Variants in USP20 observed in about 807,000 individuals in gnomAD.
USP20 encodes the protein ubiquitin carboxyl-terminal hydrolase 20.
USP20 carries 80 observed loss-of-function variants against 124.2 expected under a neutral mutation model. The ratio of observed to expected loss-of-function variants is 0.64; its 90% CI spans 0.54 to 0.78. The LOEUF (loss-of-function observed/expected upper bound fraction) is 0.78. USP20 is among the 30% of genes least tolerant of loss of function. The probability of loss-of-function intolerance (pLI) is 0.00; values close to 1 mark genes in which losing one functional copy is unlikely to be tolerated. For missense variants in USP20, 1,043 were observed against 1,244.4 expected, an observed-to-expected ratio of 0.84 and a Z score of 2.44; for synonymous variants, 481 against 512.3, an observed-to-expected ratio of 0.94 and a Z score of 0.83.
In USP20 at chr9:129,868,009, C is replaced by T. The variant is rs1347655687; in HGVS notation, c.695C>T (p.Thr232Ile). The part of the protein sequence containing the change: ...PMFRGYAQQD[T>I]QEFLRCLMDQ... Reference sequence around the variant, plus strand: ...TGATGCAGCCCCTGGTTCTAGGACACCCAAGAGTTCCTTCGCTGCCTGATG... The same window carrying T: ...TGATGCAGCCCCTGGTTCTAGGACATCCAAGAGTTCCTTCGCTGCCTGATG... The change falls in exon 11 of 26, where the codon ACC becomes ATC. Residue 232 changes from threonine to isoleucine, a missense_variant. Coordinates refer to ENST00000372429, the MANE Select transcript of USP20 (RefSeq NM_001110303.4). 1.9e-6 allele frequency: 3 copies of T among 1,612,448 alleles called. No individual in the cohort carries two copies. Among genetic ancestry groups the T allele is most frequent in the Non-Finnish European group, 8.5e-7 (1 of 1,179,058 alleles).
At chr9:129,840,581 A>G (rs1018338924) in intron 1 of USP20, among the ~76,000 whole-genome samples, 1 of 152,174 alleles carries the variant, frequency 6.6e-6, no homozygotes, top group Non-Finnish European at 1.5e-5. Flanking sequence ...AGATTCACGA[A>G]TTAGTAACAT....
chr9:129,871,571 T>C (rs1252126627), intron 15 of USP20, among the ~76,000 whole-genome samples: 1 of 152,316 alleles, frequency 6.6e-6, no homozygotes, highest in Non-Finnish European at 1.5e-5. Context: ...GGTTCCACAG[T>C]GGCCACCCCA....
At position 129,879,204 on chromosome 9, in the gene USP20, T is replaced by G. The variant is rs77277468; in HGVS notation, c.2513-369T>G. ...TATGACCTGAGTGGTTACTTCACCT[T>G]CCCAGGCCTCGGCTCTGTCTCTGTA... is the stretch of plus-strand genomic sequence containing the variant. On this transcript the variant is annotated intron_variant, in intron 23 of 25. Transcript: ENST00000372429. This position sits in a 1 kb window ranked among gnomAD's most constrained non-coding sequence, Gnocchi z 4.2. Among the ~76,000 whole-genome samples the G allele has an allele frequency of 0.013, 1,960 of 152,332 alleles. 20 individuals are homozygous for G. Among genetic ancestry groups the G allele is most frequent in the Middle Eastern group, 0.027 (8 of 294 alleles).
chr9:129,852,439 A>G lies in USP20; in HGVS notation c.-16-101A>G, dbSNP rs1017973694. On this transcript the variant is annotated intron_variant, in intron 2 of 25. Transcript: ENST00000372429. ...TGCGTTACCAGCTGGTTTGTGGCAG[A>G]CCAGGACTCAAGGCCAAAGTCATGT... 5.3e-6 allele frequency: 5 copies of G among 946,896 alleles called. No homozygotes were observed. In the Admixed American group the frequency reaches 1.2e-4, roughly 22 times the overall value. 58.7% of individuals were successfully genotyped at this position (946,896 alleles called of 1,614,324 possible).
In USP20 at chr9:129,881,209, A is replaced by G. The variant is rs1457840696; in HGVS notation, c.*759A>G. On this transcript the variant is annotated 3_prime_UTR_variant, in exon 26 of 26. Coordinates refer to ENST00000372429, the MANE Select transcript of USP20 (RefSeq NM_001110303.4). ...CCCCCACCAGGGAACCGGATGATGA[A>G]ACAGGGATACCTCACAGCTTGGCCA... 6.6e-6 allele frequency: 1 copy of G among 152,294 alleles called. No individual in the cohort carries two copies. The highest frequency in any genetic ancestry group is 2.4e-5 in the African/African-American group (1 of 41,466). The allele number at this position is 152,294 out of a possible 1,614,324, so 9.4% of individuals were successfully genotyped here.
Position 129,860,790 on chromosome 9 carries a change from C to T in USP20, c.331-147C>T. ...CAAGGCCACCAATCCTATCTCTTTTCACAGTACCTTCTGCTCAGCTGGACT... is the reference window on the plus strand; with the variant it reads ...CAAGGCCACCAATCCTATCTCTTTTTACAGTACCTTCTGCTCAGCTGGACT... On this transcript the variant is annotated intron_variant, in intron 6 of 25. Coordinates refer to ENST00000372429, the MANE Select transcript of USP20 (RefSeq NM_001110303.4). 3 of 768,016 alleles carry T rather than the reference C, an allele frequency of 3.9e-6. No individual in the cohort carries two copies. In the South Asian group the frequency reaches 4.7e-5, roughly 12 times the overall value. 47.6% of individuals were successfully genotyped at this position (768,016 alleles called of 1,614,324 possible).
intron 4 of USP20, among the ~76,000 whole-genome samples, chr9:129,857,546 CA>C: frequency 6.6e-6 from 1 of 152,286 alleles, no homozygotes; most frequent in Non-Finnish European, 1.5e-5. Flanking sequence ...GCAGTGTCAT[CA>C]GGGGCATGTG....
chr9:129,874,484 T>C, intron 17 of USP20, 92 bp from the exon 18 acceptor site: 2 of 1,521,048 alleles, frequency 1.3e-6, no homozygotes, highest in Non-Finnish European at 1.8e-6. Flanking sequence ...TCAGCTTGCA[T>C]GATCCCATCA....
chr9:129,879,355 CAG>C lies in USP20; in HGVS notation c.2513-217_2513-216del, dbSNP rs1168417173. ...GGCCATCCACCGCAGCTCCTGCGGCCAGCACAGAGTCTGAGACCATCTCGTGT... is the reference window on the plus strand; with the variant it reads ...GGCCATCCACCGCAGCTCCTGCGGCCCACAGAGTCTGAGACCATCTCGTGT... On this transcript the variant is annotated intron_variant, in intron 23 of 25. Coordinates refer to ENST00000372429, the MANE Select transcript of USP20 (RefSeq NM_001110303.4). The surrounding 1 kb of genome is among the most constrained non-coding windows in gnomAD (Gnocchi z 4.2). The C allele has an allele frequency of 1.8e-6, 1 of 558,974 alleles. No homozygotes were observed. The highest frequency in any genetic ancestry group is 3.2e-6 in the Non-Finnish European group (1 of 313,574). The allele number at this position is 558,974 out of a possible 1,614,324, so 34.6% of individuals were successfully genotyped here. A position where few individuals can be genotyped will look rare whatever the true frequency, so the allele number is the denominator to read the frequency against.
chr9:129,863,136 C>T (rs763128420), intron 8 of USP20, 50 bp from the exon 9 acceptor site: 48 of 1,425,434 alleles, frequency 3.4e-5, no homozygotes, highest in Middle Eastern at 2.5e-4. Flanking sequence ...TCTAAACTGC[C>T]GCATGCCTCA....
Position 129,874,624 on chromosome 9 carries a change from T to C in USP20, c.1789T>C (p.Phe597Leu). 6.2e-7 allele frequency: 1 copy of C among 1,613,850 alleles called. No individual in the cohort carries two copies. The highest frequency in any genetic ancestry group is 8.5e-7 in the Non-Finnish European group (1 of 1,180,016). The change falls in exon 18 of 26, where the codon TTC (phenylalanine) becomes CTC (leucine). Residue 597 changes from phenylalanine to leucine, a missense_variant. Phe to Leu is a conservative substitution (Grantham distance 22). Transcript: ENST00000372429. Reference sequence around the variant, plus strand: ...CTTTCGGCACGAGGTGATGTACTCATTCAAGATCAACAGCCACGTCTCCTT... The same window carrying C: ...CTTTCGGCACGAGGTGATGTACTCACTCAAGATCAACAGCCACGTCTCCTT... ...KRFRHEVMYS[F>L]KINSHVSFPL...
At chr9:129,878,465 T>C in intron 23 of USP20, 25 bp downstream of exon 23, 2 of 1,564,806 alleles carry the variant, frequency 1.3e-6, no homozygotes, top group Non-Finnish European at 1.7e-6. Context: ...GACCTGGCAC[T>C]TACCTGCCCT....
intron 10 of USP20, among the ~76,000 whole-genome samples, chr9:129,866,048 G>A (rs983159718): frequency 7.9e-5 from 12 of 152,138 alleles, no homozygotes; most frequent in East Asian, 5.8e-4. Flanking sequence ...GCAGCCACGC[G>A]TACACCTCAG....
At position 129,869,021 on chromosome 9, in the gene USP20, G is replaced by T. The variant is rs1445824603; in HGVS notation, c.1276+19G>T. The T allele has an allele frequency of 6.3e-7, 1 of 1,590,356 alleles. No individual in the cohort carries two copies. The highest frequency in any genetic ancestry group is 1.3e-5 in the African/African-American group (1 of 74,158). ...AAGAAAGGTTCGGGGGGCACGGGAG[G>T]GTGGGTCAGCTTGAGGCTGGGAGTA... On this transcript the variant is annotated intron_variant, in intron 12 of 25. Transcript: ENST00000372429.
chr9:129,876,468 G>A (rs772364566), intron 22 of USP20, among the ~76,000 whole-genome samples: 3 of 151,874 alleles, frequency 2.0e-5, no homozygotes, highest in Admixed American at 6.6e-5. Context: ...GCAAAACCCC[G>A]TCTCTACTAA....
intron 5 of USP20, 24 bp from the exon 6 acceptor site, chr9:129,858,443 C>G (rs1409928928): frequency 2.5e-6 from 4 of 1,613,986 alleles, no homozygotes; most frequent in Non-Finnish European, 3.4e-6. Flanking sequence ...TGCCCTGGAC[C>G]TTGTTTTGGA....
rs538361127 is a variant in USP20 at position 129,873,052 on chromosome 9, G to A, written c.1661-430G>A. 2.4e-4 allele frequency among the ~76,000 whole-genome samples: 34 copies of A among 141,636 alleles called. 1 individual carries two copies. The highest frequency in any genetic ancestry group is 2.0e-3 in the Admixed American group (28 of 14,208). 92.9% of individuals were successfully genotyped at this position (141,636 alleles called of 152,430 possible). On this transcript the variant is annotated intron_variant, in intron 15 of 25. Coordinates refer to ENST00000372429, the MANE Select transcript of USP20 (RefSeq NM_001110303.4). ...CCTTCCCTCCCTCCAGTACCTCTCA[G>A]GTTTTATTTCTTTTTCTTTTTCTTC...
rs943924018 is a variant in USP20, at chr9:129,868,080, G to A, written c.766G>A (p.Ala256Thr). The change falls in exon 11 of 26, where the codon GCG becomes ACG. Residue 256 changes from alanine to threonine, a missense_variant. Transcript: ENST00000372429. ...CAAGGAGCCGGTGGTGGCCACGGTG[G>A]CGCTGACGGAGGCTCGGGACTCAGA... ...ELKEPVVATV[A>T]LTEARDSDSS... 13 of 1,614,040 alleles carry A rather than the reference G, an allele frequency of 8.1e-6. No homozygotes were observed. Among genetic ancestry groups the A allele is most frequent in the Non-Finnish European group, 1.1e-5 (13 of 1,180,032 alleles).
intron 18 of USP20, 28 bp downstream of exon 18, chr9:129,874,784 C>G (rs2034307687): frequency 1.2e-6 from 2 of 1,613,836 alleles, no homozygotes; most frequent in East Asian, 4.5e-5. Flanking sequence ...CCCTGCCGTC[C>G]CCATCCGCTA....
Sources: gnomAD v4.1 joint callset for allele counts (sites outside exome capture counted in the v4.1 genomes callset) on GRCh38, gnomAD v4.1.1 for gene constraint, Gnocchi (gnomAD v3.1) non-coding constraint, MANE v1.5 for transcripts, NCBI Gene and HGNC (gene_info 2026-07-23, HGNC 2026-07-21) for gene names.